MBNL2: variants seen among roughly 807,000 people sequenced by gnomAD.
MBNL2 encodes muscleblind like splicing regulator 2.
In MBNL2, 17 loss-of-function variants were observed where a neutral mutation model predicts 41.9. The ratio of observed to expected loss-of-function variants is 0.41; its 90% confidence interval spans 0.28 to 0.61. MBNL2 has a LOEUF of 0.61. Among genes scored for constraint, MBNL2 ranks in the 20% least tolerant of loss-of-function variants. The pLI, the probability that MBNL2 is intolerant of heterozygous loss-of-function variation, is 0.35. For missense variants in MBNL2, 336 were observed against 505.6 expected, an observed-to-expected ratio of 0.66 and a Z score of 3.22; for synonymous variants, 195 against 182.9, an observed-to-expected ratio of 1.07 and a Z score of -0.53.
At chr13:97,201,997 T>TAC in the MBNL2 span, among the ~76,000 whole-genome samples, 1 of 152,260 alleles carries the variant, frequency 6.6e-6, no homozygotes, top group Admixed American at 6.5e-5. Context: ...ACCTTATAGT[T>TAC]AAATCACAGC....
At position 97,366,393 on chromosome 13, in the gene MBNL2, T is replaced by C. The variant is rs2063841578; in HGVS notation, c.1048+1222T>C. On this transcript the variant is annotated intron_variant, in intron 8 of 8. Coordinates refer to ENST00000679496, the MANE Select transcript of MBNL2 (RefSeq NM_001382683.1). This position sits in a 1 kb window ranked among gnomAD's most constrained non-coding sequence, Gnocchi z 4.7. Reference sequence around the variant, plus strand: ...TGCTCTGATATTCACCATGCCAAAATACCACTTCTATTACCATAATGCTAC... The same window carrying C: ...TGCTCTGATATTCACCATGCCAAAACACCACTTCTATTACCATAATGCTAC... The C allele has an allele frequency of 2.6e-6, 2 of 776,662 alleles. No individual in the cohort carries two copies. The highest frequency in any genetic ancestry group is 2.1e-5 in the Admixed American group (1 of 46,814). The allele number at this position is 776,662 out of a possible 1,614,324, so 48.1% of individuals were successfully genotyped here.
chr13:97,349,213 A>G (rs2062188654), intron 5 of MBNL2, among the ~76,000 whole-genome samples: 1 of 152,158 alleles, frequency 6.6e-6, no homozygotes, highest in Non-Finnish European at 1.5e-5. Context: ...GGTCAATAAA[A>G]TAGAGAAATT....
At position 97,346,763 on chromosome 13, in the gene MBNL2, C is replaced by T. The variant is rs1239571784; in HGVS notation, c.541-41C>T. 2 of 1,592,242 alleles carry T rather than the reference C, an allele frequency of 1.3e-6. No homozygotes were observed. The highest frequency in any genetic ancestry group is 2.2e-5 in the East Asian group (1 of 44,606). ...CCGGGGCCGCAGGGGCGCCTGGGCT[C>T]AGGCTTGCCTCTGCAGCGCGGCTCT... On this transcript the variant is annotated intron_variant, in intron 4 of 8. Coordinates refer to ENST00000679496, the MANE Select transcript of MBNL2 (RefSeq NM_001382683.1). This position sits in a 1 kb window ranked among gnomAD's most constrained non-coding sequence, Gnocchi z 4.2.
At chr13:97,349,244 A>G (rs550692931) in intron 5 of MBNL2, among the ~76,000 whole-genome samples, 5 of 152,304 alleles carry the variant, frequency 3.3e-5, no homozygotes, top group Non-Finnish European at 5.9e-5. Flanking sequence ...TTCTTCTAGT[A>G]AAAGAGTAGT....
intron 7 of MBNL2, among the ~76,000 whole-genome samples, chr13:97,362,519 C>T (rs780758016): frequency 6.6e-6 from 1 of 151,984 alleles, no homozygotes; most frequent in African/African-American, 2.4e-5. Context: ...AAAAATAGGG[C>T]AAATGTGTAA....
At chr13:97,290,336 G>T (rs912033860) in intron 2 of MBNL2, among the ~76,000 whole-genome samples, 1 of 152,100 alleles carries the variant, frequency 6.6e-6, no homozygotes, top group African/African-American at 2.4e-5. Context: ...TCTTGACCTC[G>T]TGGGATTTTC....
the MBNL2 span, among the ~76,000 whole-genome samples, chr13:97,186,130 C>T: frequency 6.6e-6 from 1 of 152,206 alleles, no homozygotes; most frequent in Non-Finnish European, 1.5e-5. Flanking sequence ...GAACAGTGCT[C>T]AGCTAAGCAC....
chr13:97,286,563 A>C (rs879719128), intron 2 of MBNL2, among the ~76,000 whole-genome samples: 3 of 152,194 alleles, frequency 2.0e-5, no homozygotes, highest in Non-Finnish European at 4.4e-5. Flanking sequence ...CTTGCTCAAA[A>C]TCTTCCAGTA....
intron 1 of MBNL2, among the ~76,000 whole-genome samples, chr13:97,238,035 A>G (rs1266861705): frequency 6.6e-6 from 1 of 152,184 alleles, no homozygotes; most frequent in Non-Finnish European, 1.5e-5. Context: ...AGAAAACAGA[A>G]AAACCAGTGA....
At chr13:97,329,626 CTAGACACACA>C (rs2060207171) in intron 2 of MBNL2, among the ~76,000 whole-genome samples, 2 of 524 alleles carry the variant, frequency 3.8e-3, no homozygotes, top group Non-Finnish European at 8.3e-3. Flanking sequence ...CACACACACA[CTAGACACACA>C]ACACACACAC....
chr13:97,267,605 T>C (rs761197430), intron 1 of MBNL2, among the ~76,000 whole-genome samples: 4 of 152,146 alleles, frequency 2.6e-5, no homozygotes, highest in Non-Finnish European at 4.4e-5. Flanking sequence ...ACTAGTCCCT[T>C]TAAAGTGGTC....
chr13:97,225,145 A>T (rs1233639746), intron 1 of MBNL2, among the ~76,000 whole-genome samples: 1 of 152,224 alleles, frequency 6.6e-6, no homozygotes. Flanking sequence ...TCAATATCAC[A>T]TGGCTACCAG....
intron 1 of MBNL2, among the ~76,000 whole-genome samples, chr13:97,262,948 ATTTAT>A (rs1040902502): frequency 9.9e-5 from 15 of 151,856 alleles, no homozygotes; most frequent in Non-Finnish European, 1.9e-4. Flanking sequence ...TTCTTTTAAA[ATTTAT>A]TTTATTTTAT....
rs569822869 is a variant in MBNL2, at chr13:97,276,816, C to CT, written c.174+419dup. Among the ~76,000 whole-genome samples, 301 of 143,074 alleles carry CT rather than the reference C, an allele frequency of 2.1e-3. 1 individual carries two copies. Among genetic ancestry groups the CT allele is most frequent in the Middle Eastern group, 3.7e-3 (1 of 272 alleles). 93.9% of individuals were successfully genotyped at this position (143,074 alleles called of 152,430 possible). On this transcript the variant is annotated intron_variant, in intron 2 of 8. Coordinates refer to ENST00000679496, the MANE Select transcript of MBNL2 (RefSeq NM_001382683.1). Reference sequence around the variant, plus strand: ...CTTGAAGAGTTTTCTATTCTTATGGCTTTTTTTTTTTTCCTTTGACCGAGT... The same window carrying CT: ...CTTGAAGAGTTTTCTATTCTTATGGCTTTTTTTTTTTTTCCTTTGACCGAGT...
the MBNL2 span, among the ~76,000 whole-genome samples, chr13:97,164,623 CTT>C: frequency 1.4e-5 from 2 of 146,616 alleles, no homozygotes; most frequent in African/African-American, 2.5e-5. Context: ...CTAACAGAAA[CTT>C]TTTTTTTTTG....
At chr13:97,202,763 C>T in the MBNL2 span, among the ~76,000 whole-genome samples, 1 of 152,156 alleles carries the variant, frequency 6.6e-6, no homozygotes, top group Non-Finnish European at 1.5e-5. Flanking sequence ...GCAAGAAATG[C>T]TCTTGACTAT....
chr13:97,337,360 C>T (rs144004193), intron 3 of MBNL2, among the ~76,000 whole-genome samples: 56 of 152,296 alleles, frequency 3.7e-4, no homozygotes, highest in African/African-American at 1.2e-3. Flanking sequence ...CCAGAATGGA[C>T]TAAGACAATT....
chr13:97,373,445 A>G (rs1394859762), intron 8 of MBNL2, among the ~76,000 whole-genome samples: 1 of 151,360 alleles, frequency 6.6e-6, no homozygotes, highest in African/African-American at 2.4e-5. Flanking sequence ...TGAGATTGAA[A>G]CCTGCACAAT....
At chr13:97,253,947 T>C (rs945471943) in intron 1 of MBNL2, among the ~76,000 whole-genome samples, 2 of 152,158 alleles carry the variant, frequency 1.3e-5, no homozygotes, top group African/African-American at 4.8e-5. Flanking sequence ...CCCAGTACAG[T>C]GGCATGATCT....
Sources: gnomAD v4.1 joint callset for allele counts (sites outside exome capture counted in the v4.1 genomes callset) on GRCh38, gnomAD v4.1.1 for gene constraint, Gnocchi (gnomAD v3.1) non-coding constraint, MANE v1.5 for transcripts, NCBI Gene and HGNC (gene_info 2026-07-23, HGNC 2026-07-21) for gene names.